DIP2A: variants seen among roughly 807,000 people sequenced by gnomAD.
DIP2A encodes disco-interacting protein 2 homolog A.
Under a neutral mutation model 177.4 loss-of-function variants are expected in DIP2A, and 85 were observed. The ratio of observed to expected loss-of-function variants is 0.48; its 90% CI spans 0.40 to 0.57. DIP2A has a LOEUF of 0.57. Ranked by LOEUF, DIP2A falls within the 20% of genes least tolerant of loss-of-function variation. DIP2A has a pLI of 0.00. For missense variants in DIP2A, 1,791 were observed against 2,100.2 expected, an observed-to-expected ratio of 0.85 and a Z score of 2.88; for synonymous variants, 886 against 881.8, an observed-to-expected ratio of 1.00 and a Z score of -0.08.
chr21:46,564,778 G>A (rs1294937403), intron 35 of DIP2A, among the ~76,000 whole-genome samples: 1 of 152,208 alleles, frequency 6.6e-6, no homozygotes, highest in Non-Finnish European at 1.5e-5. Flanking sequence ...GTGAGCGTGC[G>A]GGCCCTCAGG....
chr21:46,494,552 GA>G (rs2057199580), intron 3 of DIP2A, among the ~76,000 whole-genome samples: 2 of 152,174 alleles, frequency 1.3e-5, no homozygotes, highest in African/African-American at 2.4e-5. Context: ...TCAAAGGCCA[GA>G]ATATTTCCGT....
chr21:46,565,789 T>A lies in DIP2A; in HGVS notation c.4241T>A (p.Phe1414Tyr). 1.9e-6 allele frequency: 3 copies of A among 1,613,970 alleles called. No individual in the cohort carries two copies. The highest frequency in any genetic ancestry group is 2.5e-6 in the Non-Finnish European group (3 of 1,179,892). The change falls in exon 36 of 38, where the codon TTC (phenylalanine) becomes TAC (tyrosine). Residue 1414 changes from phenylalanine (F) to tyrosine (Y), a missense_variant. Transcript: ENST00000417564. ...YGEEALHADH[F>Y]SARLSFGDTQ... ...GAGGAGGCGCTTCATGCCGACCACT[T>A]CAGTGCCCGGCTGAGTTTTGGAGAC...
chr21:46,578,598 A>AT, the DIP2A span, among the ~76,000 whole-genome samples: 1 of 152,240 alleles, frequency 6.6e-6, no homozygotes, highest in Non-Finnish European at 1.5e-5. Flanking sequence ...TGGATCTGTC[A>AT]TAAGTGGCTG....
chr21:46,507,431 G>T (rs551637524), intron 6 of DIP2A, among the ~76,000 whole-genome samples: 20 of 152,172 alleles, frequency 1.3e-4, no homozygotes, highest in African/African-American at 4.8e-4. Context: ...TTGTATGTGG[G>T]TATTCAGTTG....
chr21:46,566,777 G>C, intron 37 of DIP2A, 94 bp downstream of exon 37: 1 of 1,526,544 alleles, frequency 6.6e-7, no homozygotes, highest in Non-Finnish European at 8.9e-7. Flanking sequence ...AGCAAGGACT[G>C]CTGGGCCCTG....
rs768348910 is a variant in DIP2A, at chr21:46,545,895, C to T, written c.2328C>T (p.Thr776=). The stretch of plus-strand genomic sequence containing the variant: ...ACTTTGTGCAGGCAGTTCCGGTCAC[C>T]ACAGGAGGAGCACCCATCTTTGACA... ...TKNVFEAVPV[T]TGGAPIFDRP... The change falls in exon 20 of 38, where the codon ACC becomes ACT. Residue 776 remains threonine, a synonymous_variant. Coordinates refer to ENST00000417564, the MANE Select transcript of DIP2A (RefSeq NM_015151.4). 2.5e-6 allele frequency: 4 copies of T among 1,613,834 alleles called. No homozygotes were observed. The African/African-American group carries it at 4.0e-5, about 16-fold the overall frequency.
At chr21:46,583,472 C>T in the DIP2A span, among the ~76,000 whole-genome samples, 7 of 152,194 alleles carry the variant, frequency 4.6e-5, no homozygotes, top group Non-Finnish European at 8.8e-5. Flanking sequence ...AAGCAAACCT[C>T]TCTAAATTTA....
chr21:46,558,335 C>T lies in DIP2A; in HGVS notation c.3911C>T (p.Pro1304Leu), dbSNP rs1477249871. Residue 1304 changes from proline (P) to leucine (L), a missense_variant, in exon 32 of 38, where the codon CCG (proline) becomes CTG (leucine). Coordinates refer to ENST00000417564, the MANE Select transcript of DIP2A (RefSeq NM_015151.4). Reference sequence around the variant, plus strand: ...AAGCTCTTCAAGGACCTGGGCCTGCCGGCCCGCGCCGTAAGCACCACGTTC... The same window carrying T: ...AAGCTCTTCAAGGACCTGGGCCTGCTGGCCCGCGCCGTAAGCACCACGTTC... ...FSKLFKDLGLPARAVSTTFGC... is the reference protein window; with the variant it reads ...FSKLFKDLGLLARAVSTTFGC... 6 of 1,606,768 alleles carry T rather than the reference C, an allele frequency of 3.7e-6. No individual in the cohort carries two copies. Among genetic ancestry groups the T allele is most frequent in the African/African-American group, 2.7e-5 (2 of 74,834 alleles).
At chr21:46,505,330 T>C (rs947008760) in intron 6 of DIP2A, among the ~76,000 whole-genome samples, 1 of 152,162 alleles carries the variant, frequency 6.6e-6, no homozygotes, top group African/African-American at 2.4e-5. Flanking sequence ...CAGTTTCGGC[T>C]GGGCGCGGTG....
intron 8 of DIP2A, among the ~76,000 whole-genome samples, chr21:46,523,140 G>A (rs1799633390): frequency 6.6e-6 from 1 of 151,976 alleles, no homozygotes; most frequent in Admixed American, 6.5e-5. Context: ...GATCAGGCTG[G>A]TCTCAAACTC....
At chr21:46,577,086 C>T in the DIP2A span, among the ~76,000 whole-genome samples, 6 of 152,124 alleles carry the variant, frequency 3.9e-5, no homozygotes, top group African/African-American at 1.4e-4. Flanking sequence ...GGTCTGTTTG[C>T]TCTGATGATA....
intron 1 of DIP2A, among the ~76,000 whole-genome samples, chr21:46,463,681 TG>T (rs2054529028): frequency 4.3e-4 from 8 of 18,772 alleles, no homozygotes; most frequent in East Asian, 8.9e-3. Flanking sequence ...GGGATATATT[TG>T]TGTGTGTGTG....
rs930476047 is a variant in DIP2A at position 46,531,863 on chromosome 21, C to T, written c.1195-264C>T. 6.6e-5 allele frequency among the ~76,000 whole-genome samples: 10 copies of T among 152,292 alleles called. No homozygotes were observed. The East Asian group carries it at 1.7e-3, about 26-fold the overall frequency. On this transcript the variant is annotated intron_variant, in intron 9 of 37. Coordinates refer to ENST00000417564, the MANE Select transcript of DIP2A (RefSeq NM_015151.4). ...CTTGTTAGAAACTAAATTTCCAGAC[C>T]TCAAGTACAGAATATAGATACAGCT...
chr21:46,566,114 G>A (rs909795657), intron 36 of DIP2A, among the ~76,000 whole-genome samples: 7 of 152,116 alleles, frequency 4.6e-5, no homozygotes, highest in Non-Finnish European at 8.8e-5. Context: ...CGTGGGGGAC[G>A]GTGTTGGTGA....
In DIP2A at chr21:46,563,667, T is replaced by G; in HGVS notation, c.4090-191T>G. Reference sequence around the variant, plus strand: ...TCAGGAACTGGAGTCATTTTGCTTATTTCTATTAACATCTCTTATTTCTTT... The same window carrying G: ...TCAGGAACTGGAGTCATTTTGCTTAGTTCTATTAACATCTCTTATTTCTTT... On this transcript the variant is annotated intron_variant, in intron 34 of 37. Transcript: ENST00000417564. This position sits in a 1 kb window ranked among gnomAD's most constrained non-coding sequence, Gnocchi z 4.3. 2.7e-6 allele frequency: 3 copies of G among 1,101,086 alleles called. No homozygotes were observed. The highest frequency in any genetic ancestry group is 1.8e-5 in the South Asian group (1 of 54,970). 68.2% of individuals were successfully genotyped at this position (1,101,086 alleles called of 1,614,324 possible).
chr21:46,528,191 G>T (rs933783625), intron 8 of DIP2A, among the ~76,000 whole-genome samples: 3 of 152,046 alleles, frequency 2.0e-5, no homozygotes, highest in Admixed American at 2.0e-4. Flanking sequence ...TTGGTCAGGG[G>T]AACTTCTCTT....
At chr21:46,528,527 C>CATTTTTTTTT (rs2059207496) in intron 8 of DIP2A, among the ~76,000 whole-genome samples, 1 of 29,380 alleles carries the variant, frequency 3.4e-5, no homozygotes, top group African/African-American at 1.6e-4. Context: ...TTTCTGCTTG[C>CATTTTTTTTT]TTTTTTTTTT....
Position 46,551,762 on chromosome 21 carries a change from G to A in DIP2A, c.2949+19G>A, listed in dbSNP as rs199862606. ...ACGGAAGGTGACAGGCCAGTTCCGG[G>A]GACGGGTGGACGGGTGTCTGTGCCC... On this transcript the variant is annotated intron_variant, in intron 24 of 37. Coordinates refer to ENST00000417564, the MANE Select transcript of DIP2A (RefSeq NM_015151.4). The A allele has an allele frequency of 8.4e-4, 1,363 of 1,613,604 alleles. 7 individuals carry two copies. The highest frequency in any genetic ancestry group is 1.2e-4 in the Non-Finnish European group (146 of 1,179,740).
chr21:46,480,371 G>A (rs977721746), intron 1 of DIP2A, among the ~76,000 whole-genome samples: 1 of 152,146 alleles, frequency 6.6e-6, no homozygotes, highest in Non-Finnish European at 1.5e-5. Context: ...CTGCCCCCGT[G>A]ATTCAGTTAC....
Sources: allele counts gnomAD v4.1 joint callset (sites outside exome capture counted in the v4.1 genomes callset), GRCh38; gene constraint gnomAD v4.1.1; non-coding constraint Gnocchi (gnomAD v3.1); transcripts MANE v1.5; gene names NCBI Gene and HGNC (gene_info 2026-07-23, HGNC 2026-07-21).